The following PTPRD variants were observed in gnomAD, a reference collection of about 807,000 sequenced individuals.
PTPRD encodes the protein protein tyrosine phosphatase receptor type D.
PTPRD carries 34 observed loss-of-function variants against 214.5 expected under a neutral mutation model. The ratio of observed to expected loss-of-function variants is 0.16; its 90% CI spans 0.12 to 0.21. The LOEUF (loss-of-function observed/expected upper bound fraction) is 0.21, where lower values mean the gene tolerates loss of function less well. Ranked by LOEUF, PTPRD falls within the 10% of genes least tolerant of loss-of-function variation. PTPRD has a pLI of 1.00. For missense variants in PTPRD, 2,545 were observed against 2,398.7 expected (o/e 1.06, Z -1.27); for synonymous variants, 1,128 against 845.7 (o/e 1.33, Z -5.79).
chr9:9,572,772 G>T (rs758059449), intron 8 of PTPRD, among the ~76,000 whole-genome samples: 1 of 151,160 alleles, frequency 6.6e-6, no homozygotes, highest in East Asian at 1.9e-4. Context: ...TCAACGAATA[G>T]TGTAACCACA....
chr9:9,472,208 T>C (rs990457600), intron 8 of PTPRD, among the ~76,000 whole-genome samples: 7 of 25,360 alleles, frequency 2.8e-4, no homozygotes, highest in Non-Finnish European at 6.6e-4. Flanking sequence ...TTTTTTTTTC[T>C]TTTTTTGAGA....
chr9:8,413,394 A>G (rs1429965658), intron 35 of PTPRD, among the ~76,000 whole-genome samples: 1 of 152,192 alleles, frequency 6.6e-6, no homozygotes, highest in African/African-American at 2.4e-5. Context: ...TAAAAATTCT[A>G]CATCCAAAAT....
chr9:8,538,588 G>A (rs1283701063), intron 14 of PTPRD, among the ~76,000 whole-genome samples: 2 of 150,842 alleles, frequency 1.3e-5, no homozygotes, highest in African/African-American at 2.4e-5. Flanking sequence ...TAATAGTGTT[G>A]GTGTGAACAC....
intron 9 of PTPRD, among the ~76,000 whole-genome samples, chr9:9,232,986 C>G (rs982233932): frequency 6.6e-6 from 1 of 152,092 alleles, no homozygotes; most frequent in African/African-American, 2.4e-5. Flanking sequence ...TAAGGAAATT[C>G]TCTAACCCAA....
intron 3 of PTPRD, among the ~76,000 whole-genome samples, chr9:10,199,303 G>A (rs1433983929): frequency 1.3e-5 from 2 of 152,154 alleles, no homozygotes; most frequent in East Asian, 3.9e-4. Context: ...AATTCTCACT[G>A]AGAAATCAGA....
intron 3 of PTPRD, among the ~76,000 whole-genome samples, chr9:10,053,346 A>G (rs2097567034): frequency 6.6e-6 from 1 of 152,192 alleles, no homozygotes; most frequent in Non-Finnish European, 1.5e-5. Context: ...TTAGTATTCC[A>G]AGATGAGGTA....
At chr9:10,543,473 TATATATACACACACACACACACAC>T (rs936385191) in intron 2 of PTPRD, among the ~76,000 whole-genome samples, 3 of 54,342 alleles carry the variant, frequency 5.5e-5, no homozygotes, top group African/African-American at 1.5e-4. Flanking sequence ...GTTTAATATA[TATATATACACACACACACACACAC>T]ACACACACAA....
At chr9:10,353,636 G>C (rs1325302718) in intron 2 of PTPRD, among the ~76,000 whole-genome samples, 2 of 151,864 alleles carry the variant, frequency 1.3e-5, no homozygotes, top group African/African-American at 4.8e-5. Flanking sequence ...TAAGATTAGA[G>C]AGTCAAAATA....
chr9:8,978,958 G>T (rs542930438), intron 11 of PTPRD, among the ~76,000 whole-genome samples: 1 of 152,184 alleles, frequency 6.6e-6, no homozygotes, highest in Admixed American at 6.5e-5. Flanking sequence ...TGAATCCAAT[G>T]AGGCTGCCAT....
chr9:9,667,932 T>C (rs1164308471), intron 7 of PTPRD, among the ~76,000 whole-genome samples: 1 of 152,158 alleles, frequency 6.6e-6, no homozygotes, highest in South Asian at 2.1e-4. Context: ...CAATTACAGA[T>C]ATTTCTAAAT....
chr9:9,002,286 G>C (rs1172900759), intron 11 of PTPRD, among the ~76,000 whole-genome samples: 3 of 151,778 alleles, frequency 2.0e-5, no homozygotes, highest in Non-Finnish European at 4.4e-5. Flanking sequence ...TAATATTAAT[G>C]AGGCACTGAA....
rs189977116 is a variant in PTPRD at position 8,497,359 on chromosome 9, A to T, written c.2323-91T>A. 9.7e-3 allele frequency: 9,879 copies of T among 1,021,602 alleles called. 66 individuals carry two copies. Among genetic ancestry groups the T allele is most frequent in the Non-Finnish European group, 0.012 (8,838 of 726,016 alleles). 63.3% of individuals were successfully genotyped at this position (1,021,602 alleles called of 1,614,324 possible). On this transcript the variant is annotated intron_variant, in intron 25 of 45. Transcript: ENST00000381196. The stretch of plus-strand genomic sequence containing the variant: ...CAGGCAGTGTTGCCCTTGTTAGATT[A>T]AAAAAATCAAAAAAATAAAGCAGTG...
At chr9:9,906,146 G>C (rs145620384) in intron 5 of PTPRD, among the ~76,000 whole-genome samples, 100 of 152,004 alleles carry the variant, frequency 6.6e-4, no homozygotes, top group African/African-American at 2.3e-3. Flanking sequence ...CTAGTCATGG[G>C]GGAAGAAGAG....
chr9:8,345,105 G>T (rs920884921), intron 39 of PTPRD, among the ~76,000 whole-genome samples: 2 of 151,894 alleles, frequency 1.3e-5, no homozygotes, highest in African/African-American at 4.8e-5. Context: ...CCTTTCCTCT[G>T]CCTTCTTTCC....
intron 3 of PTPRD, among the ~76,000 whole-genome samples, chr9:10,241,971 C>G (rs1462857534): frequency 1.3e-5 from 2 of 151,826 alleles, no homozygotes; most frequent in African/African-American, 2.4e-5. Context: ...ATGGACTGAC[C>G]TTGTTAAAAG....
At chr9:10,213,620 C>T (rs2154343360) in intron 3 of PTPRD, among the ~76,000 whole-genome samples, 1 of 152,204 alleles carries the variant, frequency 6.6e-6, no homozygotes, top group African/African-American at 2.4e-5. Context: ...TTGCATATTT[C>T]TAACAAAAAT....
chr9:8,455,680 C>T (rs2096167661), intron 33 of PTPRD, among the ~76,000 whole-genome samples: 1 of 152,098 alleles, frequency 6.6e-6, no homozygotes, highest in Non-Finnish European at 1.5e-5. Flanking sequence ...TGATATCAAA[C>T]ACATTGGTTA....
chr9:9,025,212 G>C (rs971493690), intron 10 of PTPRD, among the ~76,000 whole-genome samples: 1 of 151,910 alleles, frequency 6.6e-6, no homozygotes, highest in Non-Finnish European at 1.5e-5. Flanking sequence ...CAAGATGGTG[G>C]GACTAAGTTT....
intron 11 of PTPRD, among the ~76,000 whole-genome samples, chr9:8,864,935 TAAAG>T (rs1247302212): frequency 2.0e-5 from 3 of 152,210 alleles, no homozygotes; most frequent in African/African-American, 7.2e-5. Context: ...AAAAACACAA[TAAAG>T]AAAACAGCTT....
Sources: allele counts gnomAD v4.1 joint callset (sites outside exome capture counted in the v4.1 genomes callset), GRCh38; gene constraint gnomAD v4.1.1; transcripts MANE v1.5; gene names NCBI Gene and HGNC (gene_info 2026-07-23, HGNC 2026-07-21).